The following CMTM4 variants were observed in gnomAD, a reference collection of about 807,000 sequenced individuals.
CMTM4 encodes the protein CKLF-like MARVEL transmembrane domain-containing protein 4.
In CMTM4, 8 loss-of-function variants were observed where a neutral mutation model predicts 19.0. That is an observed-to-expected ratio of 0.42 (90% CI 0.25 to 0.76). CMTM4 has a LOEUF of 0.76. Among genes scored for constraint, CMTM4 ranks in the 30% least tolerant of loss-of-function variants. The pLI, the probability that CMTM4 is intolerant of heterozygous loss-of-function variation, is 0.27. For synonymous variants in CMTM4, 106 were observed against 121.1 expected (o/e 0.88, Z 0.82); for missense variants, 228 against 290.2 (o/e 0.79, Z 1.56).
chr16:66,630,488 G>A (rs1291980820), intron 2 of CMTM4, among the ~76,000 whole-genome samples: 3 of 151,786 alleles, frequency 2.0e-5, no homozygotes, highest in Non-Finnish European at 2.9e-5. Context: ...GCAGGCGCGC[G>A]CCGCCACGCC....
intron 1 of CMTM4, among the ~76,000 whole-genome samples, chr16:66,652,064 G>C (rs1323458936): frequency 6.6e-6 from 1 of 151,628 alleles, no homozygotes; most frequent in Non-Finnish European, 1.5e-5. Context: ...GCCCTCAGGA[G>C]CTAAAGCCAC....
At chr16:66,631,596 T>C (rs1454752706) in intron 2 of CMTM4, among the ~76,000 whole-genome samples, 1 of 152,234 alleles carries the variant, frequency 6.6e-6, no homozygotes, top group Non-Finnish European at 1.5e-5. Context: ...AGAAAAATTC[T>C]TCTGCCTTGG....
intron 1 of CMTM4, among the ~76,000 whole-genome samples, chr16:66,670,558 T>C (rs1274801903): frequency 2.0e-5 from 3 of 151,608 alleles, no homozygotes; most frequent in African/African-American, 7.3e-5. Flanking sequence ...TCCCAGCACT[T>C]TGGGAGGCCG....
At chr16:66,648,798 C>T (rs544619481) in intron 1 of CMTM4, among the ~76,000 whole-genome samples, 19 of 152,122 alleles carry the variant, frequency 1.2e-4, no homozygotes, top group Non-Finnish European at 1.9e-4. Flanking sequence ...ATGGTGAAAC[C>T]CCATCTCTAC....
intron 1 of CMTM4, among the ~76,000 whole-genome samples, chr16:66,653,493 C>A (rs140327437): frequency 2.0e-5 from 3 of 152,082 alleles, no homozygotes; most frequent in Admixed American, 6.6e-5. Flanking sequence ...CCCCCAGGGC[C>A]GCCATCCTTA....
chr16:66,612,890 C>G (rs2015436079), downstream of CMTM4: 10 of 614,270 alleles, frequency 1.6e-5, no homozygotes, highest in African/African-American at 3.7e-5. This position sits in a 1 kb window ranked among gnomAD's most constrained non-coding sequence, Gnocchi z 6.0. Flanking sequence ...TTCTGTCCCA[C>G]AGGCCTTCAG....
chr16:66,613,249 C>A, downstream of CMTM4: 5 of 652,784 alleles, frequency 7.7e-6, no homozygotes, highest in Non-Finnish European at 1.4e-5. Context: ...ACCTCCCACC[C>A]TTGGAAACCA....
intron 1 of CMTM4, among the ~76,000 whole-genome samples, chr16:66,673,096 T>G (rs1262525075): frequency 2.2e-5 from 3 of 135,460 alleles, no homozygotes; most frequent in Non-Finnish European, 4.7e-5. Context: ...TTTTTTTTTT[T>G]GTATTTTTTA....
chr16:66,676,300 C>A (rs529937207), intron 1 of CMTM4, among the ~76,000 whole-genome samples: 2 of 152,152 alleles, frequency 1.3e-5, no homozygotes, highest in Non-Finnish European at 2.9e-5. Context: ...ACTACTATTC[C>A]AAAAAACGCC....
chr16:66,641,760 T>C (rs1484036179), intron 1 of CMTM4, among the ~76,000 whole-genome samples: 2 of 152,156 alleles, frequency 1.3e-5, no homozygotes, highest in Admixed American at 6.6e-5. Context: ...CAAAAATATA[T>C]GTAAAAGGGC....
chr16:66,695,233 G>A (rs1001087260), intron 1 of CMTM4, among the ~76,000 whole-genome samples: 1 of 152,160 alleles, frequency 6.6e-6, no homozygotes, highest in African/African-American at 2.4e-5. Flanking sequence ...TGTAGTCCCA[G>A]CTACTCGGGA....
chr16:66,600,392 A>ACCTG, the CMTM4 span, among the ~76,000 whole-genome samples: 2 of 152,050 alleles, frequency 1.3e-5, no homozygotes, highest in South Asian at 4.2e-4. Flanking sequence ...TGATTAGCCC[A>ACCTG]CCTCAGCCTC....
chr16:66,683,129 GTATATA>G (rs751833787), intron 1 of CMTM4, among the ~76,000 whole-genome samples: 3 of 115,954 alleles, frequency 2.6e-5, no homozygotes, highest in African/African-American at 1.0e-4. Context: ...GTGTGTGTGT[GTATATA>G]TATATATATA....
rs941276462 is a variant in CMTM4, at chr16:66,615,763, C to T, written c.*6295G>A. The T allele has an allele frequency of 7.2e-5, 11 of 152,254 alleles. No homozygotes were observed. The highest frequency in any genetic ancestry group is 2.4e-4 in the African/African-American group (10 of 41,462). The allele number at this position is 152,254 out of a possible 1,614,324, so 9.4% of individuals were successfully genotyped here. ...ACAGGGGAAGGAGCCGGACACCGGC[C>T]TCTCACCATTTTACACCCAAAGACA... On this transcript the variant is annotated 3_prime_UTR_variant, in exon 4 of 4. Transcript: ENST00000394106. This position sits in a 1 kb window ranked among gnomAD's most constrained non-coding sequence, Gnocchi z 4.9.
intron 1 of CMTM4, among the ~76,000 whole-genome samples, chr16:66,685,063 C>A (rs1368116623): frequency 6.6e-6 from 1 of 152,190 alleles, no homozygotes; most frequent in East Asian, 1.9e-4. Context: ...ATTGTGAGCA[C>A]ACGGGTACTG....
At chr16:66,607,981 G>A in the CMTM4 span, among the ~76,000 whole-genome samples, 2 of 152,078 alleles carry the variant, frequency 1.3e-5, no homozygotes, top group Non-Finnish European at 2.9e-5. Context: ...AAGTAGCTGG[G>A]ATTTCAGGCA....
At chr16:66,599,526 C>G in the CMTM4 span, among the ~76,000 whole-genome samples, 3 of 151,788 alleles carry the variant, frequency 2.0e-5, no homozygotes, top group Non-Finnish European at 4.4e-5. Context: ...CTCACTCGCT[C>G]ACTTTATTGC....
At position 66,636,561 on chromosome 16, in the gene CMTM4, G is replaced by T. The variant is rs2015995075; in HGVS notation, c.207C>A (p.Phe69Leu). Reference sequence around the variant, plus strand: ...ATGCCATGATGGTCTCTATGCAGATGAATGCAATCAGGGCCAAGATCTAGG... The same window carrying T: ...ATGCCATGATGGTCTCTATGCAGATTAATGCAATCAGGGCCAAGATCTAGG... The part of the protein sequence containing the change: ...VAQVILALIA[F>L]ICIETIMACS... The change falls in exon 2 of 4, where the codon TTC (phenylalanine) becomes TTA (leucine). Residue 69 changes from phenylalanine to leucine, a missense_variant. Physicochemically the swap from Phe to Leu is conservative, Grantham distance 22 (BLOSUM62 0). Transcript: ENST00000394106. 1.2e-6 allele frequency: 2 copies of T among 1,614,008 alleles called. No homozygotes were observed. Among genetic ancestry groups the T allele is most frequent in the African/African-American group, 1.3e-5 (1 of 74,918 alleles).
At chr16:66,605,000 C>T in the CMTM4 span, 3 of 1,402,440 alleles carry the variant, frequency 2.1e-6, no homozygotes, top group East Asian at 6.1e-5. Context: ...TGCGCGGCTC[C>T]TTTCGGAGGA....
Sources: gnomAD v4.1 joint callset for allele counts (sites outside exome capture counted in the v4.1 genomes callset) on GRCh38, gnomAD v4.1.1 for gene constraint, Gnocchi (gnomAD v3.1) non-coding constraint, MANE v1.5 for transcripts, NCBI Gene and HGNC (gene_info 2026-07-23, HGNC 2026-07-21) for gene names.